The following PRKG1 variants were observed in gnomAD, a reference collection of about 807,000 sequenced individuals.
The protein encoded by PRKG1 is protein kinase cGMP-dependent 1, also known as cGMP-dependent protein kinase 1.
In PRKG1, 35 loss-of-function variants were observed where a neutral mutation model predicts 88.1. The ratio of observed to expected loss-of-function variants is 0.40; its 90% CI spans 0.30 to 0.53. The LOEUF (loss-of-function observed/expected upper bound fraction) is 0.53, where lower values mean the gene tolerates loss of function less well. Ranked by LOEUF, PRKG1 falls within the 20% of genes least tolerant of loss-of-function variation. PRKG1 has a pLI of 0.59. For missense variants in PRKG1, 540 were observed against 839.8 expected (o/e 0.64, Z 4.41); for synonymous variants, 303 against 292.5 (o/e 1.04, Z -0.37).
At chr10:51,791,509 C>G (rs1463026037) in intron 3 of PRKG1, among the ~76,000 whole-genome samples, 1 of 152,066 alleles carries the variant, frequency 6.6e-6, no homozygotes, top group Non-Finnish European at 1.5e-5. Context: ...AATTTCTAAT[C>G]TTTTTCACAG....
intron 12 of PRKG1, among the ~76,000 whole-genome samples, chr10:52,273,669 G>A (rs1365584942): frequency 2.0e-5 from 3 of 151,738 alleles, no homozygotes; most frequent in African/African-American, 7.3e-5. Flanking sequence ...CTATTGCATC[G>A]GTATTTTATT....
chr10:51,242,288 A>AGAT (rs1229782173), intron 2 of PRKG1, among the ~76,000 whole-genome samples: 8 of 152,164 alleles, frequency 5.3e-5, no homozygotes, highest in African/African-American at 1.9e-4. Flanking sequence ...CAGAACAAGA[A>AGAT]GATAGAAGGT....
At chr10:51,469,246 T>C (rs966822691) in intron 3 of PRKG1, among the ~76,000 whole-genome samples, 1 of 151,854 alleles carries the variant, frequency 6.6e-6, no homozygotes, top group Non-Finnish European at 1.5e-5. Context: ...CCTTTTAAGA[T>C]AAAAAAGACC....
chr10:51,988,750 G>T (rs1271574153), intron 5 of PRKG1, among the ~76,000 whole-genome samples: 1 of 151,776 alleles, frequency 6.6e-6, no homozygotes, highest in Admixed American at 6.6e-5. Flanking sequence ...TTTCTTTTAG[G>T]CACTAATCTT....
chr10:52,255,415 C>T (rs747331017), intron 10 of PRKG1, among the ~76,000 whole-genome samples: 8 of 151,892 alleles, frequency 5.3e-5, no homozygotes, highest in African/African-American at 4.8e-5. Context: ...AATATGTAGT[C>T]GGTGCTTTAA....
chr10:52,062,401 T>C (rs1846257796), intron 6 of PRKG1, 136 bp from the exon 7 acceptor site: 1 of 482,170 alleles, frequency 2.1e-6, no homozygotes, highest in Non-Finnish European at 3.5e-6. Context: ...TTTGGTCCTT[T>C]TGGTGGTAAT....
intron 9 of PRKG1, among the ~76,000 whole-genome samples, chr10:52,226,971 G>C (rs894059861): frequency 1.3e-5 from 2 of 152,052 alleles, no homozygotes; most frequent in African/African-American, 4.8e-5. Flanking sequence ...AATTGCAAGA[G>C]ATCTTATATT....
intron 4 of PRKG1, among the ~76,000 whole-genome samples, chr10:51,820,908 A>T (rs1839727189): frequency 6.6e-6 from 1 of 152,204 alleles, no homozygotes; most frequent in African/African-American, 2.4e-5. Flanking sequence ...GAAAGTACAG[A>T]TCAATGAATG....
intron 3 of PRKG1, among the ~76,000 whole-genome samples, chr10:51,562,934 AT>A (rs1260246786): frequency 8.2e-6 from 1 of 121,766 alleles, no homozygotes; most frequent in African/African-American, 3.1e-5. Flanking sequence ...ATGCCCAGCT[AT>A]TTTTTTTATT....
At chr10:52,037,728 G>A (rs1052127642) in intron 5 of PRKG1, among the ~76,000 whole-genome samples, 4 of 152,216 alleles carry the variant, frequency 2.6e-5, no homozygotes, top group African/African-American at 9.6e-5. Context: ...GCCAGACCAG[G>A]TGTGAGGAGG....
At chr10:51,889,133 A>C (rs1463763853) in intron 4 of PRKG1, among the ~76,000 whole-genome samples, 1 of 150,902 alleles carries the variant, frequency 6.6e-6, no homozygotes, top group East Asian at 2.0e-4. Flanking sequence ...ATATGTATAC[A>C]TGCACCATGT....
chr10:51,253,051 T>A (rs552862713), intron 2 of PRKG1, among the ~76,000 whole-genome samples: 1 of 151,984 alleles, frequency 6.6e-6, no homozygotes, highest in East Asian at 1.9e-4. Flanking sequence ...ACCAGTTGAG[T>A]ATATTTCACT....
chr10:52,223,232 C>G (rs1840294784), intron 9 of PRKG1, among the ~76,000 whole-genome samples: 1 of 152,088 alleles, frequency 6.6e-6, no homozygotes, highest in African/African-American at 2.4e-5. Context: ...TCCAATTCCT[C>G]ACCTCCCATC....
At chr10:51,315,511 G>T (rs1394382651) in intron 2 of PRKG1, among the ~76,000 whole-genome samples, 2 of 152,116 alleles carry the variant, frequency 1.3e-5, no homozygotes, top group African/African-American at 2.4e-5. Context: ...TACTAATCTG[G>T]AATTTTATTG....
intron 10 of PRKG1, chr10:52,253,401 T>C (rs1240982140): frequency 6.6e-6 from 1 of 151,956 alleles, no homozygotes; most frequent in Non-Finnish European, 1.5e-5. Context: ...GCTAGAGAAC[T>C]GAATACCAAG....
chr10:52,061,445 T>C (rs1181325875), intron 6 of PRKG1, among the ~76,000 whole-genome samples: 1 of 152,090 alleles, frequency 6.6e-6, no homozygotes, highest in East Asian at 1.9e-4. Context: ...CTAACCTTTC[T>C]GGATGACACA....
At chr10:51,711,021 G>A (rs1012746798) in intron 3 of PRKG1, among the ~76,000 whole-genome samples, 5 of 151,502 alleles carry the variant, frequency 3.3e-5, no homozygotes, top group African/African-American at 9.7e-5. Context: ...TTTTAAAGAC[G>A]TGAAAGACTT....
intron 3 of PRKG1, among the ~76,000 whole-genome samples, chr10:51,769,692 G>T (rs1488306225): frequency 1.3e-5 from 2 of 152,080 alleles, no homozygotes; most frequent in African/African-American, 4.8e-5. Context: ...TGGCAAGCTG[G>T]CTTACTAAAT....
chr10:51,067,155 T>C (rs545143949), intron 1 of PRKG1, among the ~76,000 whole-genome samples: 1 of 151,982 alleles, frequency 6.6e-6, no homozygotes, highest in African/African-American at 2.4e-5. Context: ...ACATCATAGC[T>C]AACACATTTG....
Sources: allele counts gnomAD v4.1 joint callset (sites outside exome capture counted in the v4.1 genomes callset), GRCh38; gene constraint gnomAD v4.1.1; transcripts MANE v1.5; gene names NCBI Gene and HGNC (gene_info 2026-07-23, HGNC 2026-07-21).